The following ESRRB variants were observed in gnomAD, a reference collection of about 807,000 sequenced individuals.
ESRRB encodes estrogen related receptor beta.
ESRRB carries 16 observed loss-of-function variants against 46.0 expected under a neutral mutation model. That is an observed-to-expected ratio of 0.35 (90% CI 0.24 to 0.53). ESRRB has a LOEUF of 0.53. ESRRB is among the 20% of genes least tolerant of loss of function. The pLI is 0.93. For synonymous variants in ESRRB, 246 were observed against 259.6 expected, an observed-to-expected ratio of 0.95 and a Z score of 0.50; for missense variants, 488 against 607.4, an observed-to-expected ratio of 0.80 and a Z score of 2.07.
chr14:76,312,769 T>A (rs1387264077), intron 1 of ESRRB, among the ~76,000 whole-genome samples: 1 of 152,062 alleles, frequency 6.6e-6, no homozygotes, highest in African/African-American at 2.4e-5. Context: ...CTCAAGTGAA[T>A]GAAGTGATTG....
intron 3 of ESRRB, among the ~76,000 whole-genome samples, chr14:76,471,532 C>G (rs377691502): frequency 6.6e-6 from 1 of 152,188 alleles, no homozygotes; most frequent in Non-Finnish European, 1.5e-5. Context: ...GCTCCAGCCT[C>G]CCTGGCTTAT....
At chr14:76,483,568 T>C (rs542735839) in intron 5 of ESRRB, among the ~76,000 whole-genome samples, 58 of 152,180 alleles carry the variant, frequency 3.8e-4, no homozygotes, top group Non-Finnish European at 7.2e-4. Context: ...TGGCGGGAGC[T>C]TTTTTATTTT....
intron 1 of ESRRB, among the ~76,000 whole-genome samples, chr14:76,431,489 G>T (rs1887442177): frequency 6.6e-6 from 1 of 152,154 alleles, no homozygotes; most frequent in Non-Finnish European, 1.5e-5. Flanking sequence ...TCCAGCCAAG[G>T]CAGGAAGAGC....
chr14:76,390,752 G>A (rs1027228508), intron 1 of ESRRB, among the ~76,000 whole-genome samples: 1 of 152,206 alleles, frequency 6.6e-6, no homozygotes, highest in Non-Finnish European at 1.5e-5. Context: ...AGTGCGGGAA[G>A]TAAAAACCAT....
intron 1 of ESRRB, among the ~76,000 whole-genome samples, chr14:76,320,538 T>C (rs944673480): frequency 6.6e-6 from 1 of 152,218 alleles, no homozygotes; most frequent in Non-Finnish European, 1.5e-5. Flanking sequence ...AGGCAGGGCA[T>C]GGTGGGCCCA....
At chr14:76,313,038 G>T (rs149760508) in intron 1 of ESRRB, among the ~76,000 whole-genome samples, 1 of 152,154 alleles carries the variant, frequency 6.6e-6, no homozygotes, top group Non-Finnish European at 1.5e-5. Context: ...AGCCTTAATG[G>T]TCAGACAGAA....
At chr14:76,411,460 C>A (rs12881529) in intron 1 of ESRRB, among the ~76,000 whole-genome samples, 1 of 151,612 alleles carries the variant, frequency 6.6e-6, no homozygotes, top group African/African-American at 2.4e-5. Flanking sequence ...AAAAAAAAAA[C>A]AGGAGGTGAA....
intron 3 of ESRRB, among the ~76,000 whole-genome samples, chr14:76,480,148 C>T (rs995484897): frequency 6.6e-6 from 1 of 152,136 alleles, no homozygotes; most frequent in Non-Finnish European, 1.5e-5. Context: ...GGTGAGCCAC[C>T]GCACCTGACC....
chr14:76,389,078 C>T (rs1362264662), intron 1 of ESRRB, among the ~76,000 whole-genome samples: 1 of 152,222 alleles, frequency 6.6e-6, no homozygotes, highest in African/African-American at 2.4e-5. Context: ...GTTCTTCCCT[C>T]CTGCTCTTCA....
chr14:76,447,241 G>C (rs1262523434), intron 2 of ESRRB, among the ~76,000 whole-genome samples: 1 of 130,628 alleles, frequency 7.7e-6, no homozygotes, highest in African/African-American at 3.0e-5. Flanking sequence ...ATTTTCTAAA[G>C]TCTCCTTCCT....
chr14:76,499,842 A>T lies in ESRRB; in HGVS notation c.*1384A>T. The T allele has an allele frequency of 6.2e-7, 1 of 1,608,454 alleles. No individual in the cohort carries two copies. Among genetic ancestry groups the T allele is most frequent in the Non-Finnish European group, 8.5e-7 (1 of 1,174,822 alleles). ...TTCACTAACTCAAGGGGCAGCCCTGAACACCCATTTGTGCTCACAGGTTGG... is the reference window on the plus strand; with the variant it reads ...TTCACTAACTCAAGGGGCAGCCCTGTACACCCATTTGTGCTCACAGGTTGG... On this transcript the variant is annotated 3_prime_UTR_variant, in exon 7 of 7. Coordinates refer to ENST00000644823, the MANE Select transcript of ESRRB (RefSeq NM_001379180.1).
intron 1 of ESRRB, among the ~76,000 whole-genome samples, chr14:76,365,953 C>A (rs1483956884): frequency 1.3e-5 from 2 of 152,196 alleles, no homozygotes; most frequent in African/African-American, 2.4e-5. Context: ...CACCACCCTG[C>A]ACATGGTACA....
chr14:76,403,953 A>G (rs1195815831), intron 1 of ESRRB, among the ~76,000 whole-genome samples: 2 of 152,102 alleles, frequency 1.3e-5, no homozygotes, highest in African/African-American at 2.4e-5. Context: ...TCCTGACTTC[A>G]GGTGATCCAC....
At chr14:76,418,552 C>T (rs1005209291) in intron 1 of ESRRB, among the ~76,000 whole-genome samples, 7 of 152,206 alleles carry the variant, frequency 4.6e-5, no homozygotes, top group African/African-American at 1.7e-4. Context: ...TTAGTCTCCC[C>T]TTGTCTGTGA....
chr14:76,334,044 T>A (rs1000183972), intron 1 of ESRRB, among the ~76,000 whole-genome samples: 1 of 152,120 alleles, frequency 6.6e-6, no homozygotes, highest in African/African-American at 2.4e-5. Flanking sequence ...CTATAGAAGC[T>A]CCTAAACGTA....
At chr14:76,408,653 A>G (rs887031056) in intron 1 of ESRRB, among the ~76,000 whole-genome samples, 13 of 151,654 alleles carry the variant, frequency 8.6e-5, no homozygotes, top group African/African-American at 1.2e-4. Context: ...GCAGCCCCCA[A>G]ATGCATAGAG....
At chr14:76,473,504 G>A (rs1441819645) in intron 3 of ESRRB, among the ~76,000 whole-genome samples, 4 of 152,224 alleles carry the variant, frequency 2.6e-5, no homozygotes, top group Admixed American at 6.5e-5. Context: ...TGTGGGAAGC[G>A]CCTGGGACAG....
chr14:76,370,780 A>G (rs1352329126), upstream of ESRRB, among the ~76,000 whole-genome samples: 1 of 152,186 alleles, frequency 6.6e-6, no homozygotes, highest in Non-Finnish European at 1.5e-5. Flanking sequence ...TTCTATGGAG[A>G]GACAAATCTC....
In ESRRB at chr14:76,500,768, C is replaced by T; in HGVS notation, c.*2310C>T. ...GTGTTCTGCACACCAGGCAGCTGCA[C>T]CTCACTGGATCTAGTGTTGCTGCGA... On this transcript the variant is annotated 3_prime_UTR_variant, in exon 7 of 7. Transcript: ENST00000644823. The T allele has an allele frequency of 6.2e-7, 1 of 1,607,214 alleles. No individual in the cohort carries two copies. The highest frequency in any genetic ancestry group is 8.5e-7 in the Non-Finnish European group (1 of 1,173,708).
Sources: allele counts gnomAD v4.1 joint callset (sites outside exome capture counted in the v4.1 genomes callset), GRCh38; gene constraint gnomAD v4.1.1; transcripts MANE v1.5; gene names NCBI Gene and HGNC (gene_info 2026-07-23, HGNC 2026-07-21).